The following FLNC variants were observed in gnomAD, a reference collection of about 807,000 sequenced individuals.
The protein encoded by FLNC is filamin-C.
In FLNC, 91 loss-of-function variants were observed where a neutral mutation model predicts 254.3. The observed-to-expected ratio is 0.36, with a 90% CI of 0.30 to 0.43. The LOEUF is 0.43. Ranked by LOEUF, FLNC falls within the 20% of genes least tolerant of loss-of-function variation. The probability of loss-of-function intolerance (pLI) is 1.00; values close to 1 mark genes in which losing one functional copy is unlikely to be tolerated. For missense variants in FLNC, 2,853 were observed against 3,802.6 expected, an observed-to-expected ratio of 0.75 and a Z score of 6.57; for synonymous variants, 1,430 against 1,577.2, an observed-to-expected ratio of 0.91 and a Z score of 2.21.
chr7:128,849,620 GGGGCCT>G, intron 30 of FLNC, 42 bp downstream of exon 30: 2 of 1,607,468 alleles, frequency 1.2e-6, no homozygotes, highest in Non-Finnish European at 1.7e-6. Flanking sequence ...GCTGGGGAGG[GGGGCCT>G]GGCCCTTTTA....
At chr7:128,833,715 C>T (rs111893767) in intron 1 of FLNC, among the ~76,000 whole-genome samples, 2,653 of 152,286 alleles carry the variant, frequency 0.017, 77 homozygotes, top group South Asian at 0.057. Context: ...TGGAGGCTGT[C>T]GGGGTTGTGA....
At chr7:128,853,162 C>G (rs970521136) in intron 37 of FLNC, 131 bp downstream of exon 37, 2 of 992,148 alleles carry the variant, frequency 2.0e-6, no homozygotes, top group African/African-American at 3.2e-5. Flanking sequence ...CGTCAGGATT[C>G]GCATTCTGGG....
chr7:128,832,121 A>G (rs1386445321), intron 1 of FLNC, among the ~76,000 whole-genome samples: 2 of 152,122 alleles, frequency 1.3e-5, no homozygotes, highest in African/African-American at 2.4e-5. Context: ...CCTTGGGGCC[A>G]TCTCTAGGCC....
Position 128,846,080 on chromosome 7 carries a change from A to T in FLNC, c.3881A>T (p.Asn1294Ile), listed in dbSNP as rs944103680. The change falls in exon 22 of 48, where the codon AAC (asparagine) becomes ATC (isoleucine). Residue 1294 changes from asparagine to isoleucine, a missense_variant. Physicochemically the swap from Asn to Ile is moderately radical, Grantham distance 149. Transcript: ENST00000325888. ...GGNHVTARVL[N>I]PSGAKTDTYV... ...AACCACGTGACGGCTCGTGTGCTCA[A>T]CCCCTCGGGGGCCAAGACAGACACC... The T allele has an allele frequency of 2.5e-6, 4 of 1,613,674 alleles. No individual in the cohort carries two copies. The African/African-American group carries it at 5.3e-5, about 22-fold the overall frequency.
rs538085901 is a variant in FLNC, at chr7:128,858,754, G to A, written c.*231G>A. The A allele has an allele frequency of 1.2e-4, 71 of 570,100 alleles. No individual in the cohort carries two copies. Among genetic ancestry groups the A allele is most frequent in the African/African-American group, 1.2e-3 (66 of 53,388 alleles). The allele number at this position is 570,100 out of a possible 1,614,324, so 35.3% of individuals were successfully genotyped here. A position where few individuals can be genotyped will look rare whatever the true frequency, so the allele number is the denominator to read the frequency against. ...GTCCCTCCCTGGGAATGTGACATGA[G>A]GGCCGACTGGGGCCAGGCTCAGGGG... On this transcript the variant is annotated 3_prime_UTR_variant, in exon 48 of 48. Transcript: ENST00000325888. The surrounding 1 kb of genome is among the most constrained non-coding windows in gnomAD (Gnocchi z 6.7).
At chr7:128,847,047 GC>G in intron 24 of FLNC, 142 bp downstream of exon 24, 1 of 1,022,150 alleles carries the variant, frequency 9.8e-7, no homozygotes, top group Non-Finnish European at 1.4e-6. Flanking sequence ...CCGGAGCCCG[GC>G]CAGAGGGAGG....
Position 128,856,640 on chromosome 7 carries a change from G to A in FLNC, c.7374G>A (p.Glu2458=). The A allele has an allele frequency of 1.2e-6, 2 of 1,613,082 alleles. No individual in the cohort carries two copies. Among genetic ancestry groups the A allele is most frequent in the Non-Finnish European group, 8.5e-7 (1 of 1,180,016 alleles). The change falls in exon 44 of 48, where the codon GAG becomes GAA. Residue 2458 remains glutamate, a synonymous_variant. Coordinates refer to ENST00000325888, the MANE Select transcript of FLNC (RefSeq NM_001458.5). This position sits in a 1 kb window ranked among gnomAD's most constrained non-coding sequence, Gnocchi z 5.9. ...CTGTGGAGGAGTGCTACGTCTCTGA[G>A]CTGGACAGTGGTGAGCTGGCCCTGC... ...SGAVEECYVS[E]LDSDKHTIRF...
Position 128,842,811 on chromosome 7 carries a change from A to G in FLNC, c.2407A>G (p.Ile803Val). 1 of 1,613,820 alleles carries G rather than the reference A, an allele frequency of 6.2e-7. No homozygotes were observed. Among genetic ancestry groups the G allele is most frequent in the Admixed American group, 1.7e-5 (1 of 60,032 alleles). Residue 803 changes from isoleucine to valine, a missense_variant, in exon 16 of 48, where the codon ATC becomes GTC. Coordinates refer to ENST00000325888, the MANE Select transcript of FLNC (RefSeq NM_001458.5). The surrounding 1 kb of genome is among the most constrained non-coding windows in gnomAD (Gnocchi z 5.4). Reference protein sequence around the residue: ...EAGQGDVSIGIKCAPGVVGPA... With the variant: ...EAGQGDVSIGVKCAPGVVGPA... ...CTCTGCAGGCGACGTGAGCATCGGC[A>G]TCAAGTGCGCCCCAGGCGTGGTGGG...
rs1443946143 is a variant in FLNC at position 128,842,023 on chromosome 7, G to A, written c.2122-208G>A. 6.6e-6 allele frequency among the ~76,000 whole-genome samples: 1 copy of A among 152,130 alleles called. No individual in the cohort carries two copies. Among genetic ancestry groups the A allele is most frequent in the African/African-American group, 2.4e-5 (1 of 41,428 alleles). On this transcript the variant is annotated intron_variant, in intron 13 of 47. Transcript: ENST00000325888. The surrounding 1 kb of genome is among the most constrained non-coding windows in gnomAD (Gnocchi z 5.4). ...GAGGAAACCTAGGCTGGGAGAGCAA[G>A]CCATACAGATGGCCTTGAGTCAGGC... is the stretch of plus-strand genomic sequence containing the variant.
chr7:128,831,399 G>T (rs1807886437), intron 1 of FLNC, among the ~76,000 whole-genome samples: 1 of 152,202 alleles, frequency 6.6e-6, no homozygotes, highest in Non-Finnish European at 1.5e-5. Flanking sequence ...AAAACAAGTG[G>T]CTTCCCAGCT....
chr7:128,843,257 A>G lies in FLNC; in HGVS notation c.2579A>G (p.Lys860Arg). 1 of 1,609,140 alleles carries G rather than the reference A, an allele frequency of 6.2e-7. No homozygotes were observed. Reference protein sequence around the residue: ...QEIPASPFHIKVDPSHDASKV... With the variant: ...QEIPASPFHIRVDPSHDASKV... ...ATCCCCGCCAGCCCCTTCCACATCA[A>G]GGTGGACCCATCCCACGATGCCAGC... Residue 860 changes from lysine to arginine, a missense_variant, in exon 17 of 48, where the codon AAG becomes AGG. This residue lies in a region of FLNC where 1,573 missense variants were observed against 1,883.5 expected (regional missense o/e 0.84). Coordinates refer to ENST00000325888, the MANE Select transcript of FLNC (RefSeq NM_001458.5).
chr7:128,854,044 C>T lies in FLNC; in HGVS notation c.6555C>T (p.Tyr2185=). The change falls in exon 40 of 48, where the codon TAC becomes TAT. Residue 2185 remains tyrosine, a synonymous_variant. Coordinates refer to ENST00000325888, the MANE Select transcript of FLNC (RefSeq NM_001458.5). ...CCTTCACACGCAGCAGCCACACCTACACCCGCACGGAGCGCACGGAGATCA... is the reference window on the plus strand; with the variant it reads ...CCTTCACACGCAGCAGCCACACCTATACCCGCACGGAGCGCACGGAGATCA... The part of the protein sequence containing the change: ...TRTFTRSSHT[Y]TRTERTEISK... 1 of 1,613,308 alleles carries T rather than the reference C, an allele frequency of 6.2e-7. No homozygotes were observed. The highest frequency in any genetic ancestry group is 2.2e-5 in the East Asian group (1 of 44,880).
rs1188836452 is a variant in FLNC, at chr7:128,850,762, G to A, written c.5399-41G>A. The stretch of plus-strand genomic sequence containing the variant: ...CTGGGACAGCAGGGAGGTTGCAGTG[G>A]GGGAAACCAGGGTCTCCACGTAACT... On this transcript the variant is annotated intron_variant, in intron 32 of 47. Transcript: ENST00000325888. 1.9e-6 allele frequency: 3 copies of A among 1,612,986 alleles called. No individual in the cohort carries two copies. In the African/African-American group the frequency reaches 4.0e-5, roughly 22 times the overall value.
intron 1 of FLNC, among the ~76,000 whole-genome samples, chr7:128,831,222 G>A (rs1807878674): frequency 6.6e-6 from 1 of 151,794 alleles, no homozygotes; most frequent in African/African-American, 2.4e-5. Context: ...GGGGAGTCCA[G>A]GCCTTAGGGT....
chr7:128,849,194 C>T lies in FLNC; in HGVS notation c.4941C>T (p.Gly1647=), dbSNP rs1244385049. Residue 1647 remains glycine (G), a synonymous_variant, in exon 29 of 48, where the codon GGC becomes GGT. Transcript: ENST00000325888. ...CTCTCTTTCCAGTGTCCATTGGAGGCCATGGCCTGGGTGAGTGCCCTTTCT... is the reference window on the plus strand; with the variant it reads ...CTCTCTTTCCAGTGTCCATTGGAGGTCATGGCCTGGGTGAGTGCCCTTTCT... ...SKCLVTVSIG[G]HGLGACLGPR... 6.2e-7 allele frequency: 1 copy of T among 1,613,942 alleles called. No individual in the cohort carries two copies. The highest frequency in any genetic ancestry group is 8.5e-7 in the Non-Finnish European group (1 of 1,180,008).
intron 1 of FLNC, among the ~76,000 whole-genome samples, chr7:128,834,532 G>T (rs898279456): frequency 7.4e-6 from 1 of 134,824 alleles, no homozygotes. Context: ...CTGGCATTCG[G>T]GGTAGAGTGT....
At position 128,847,879 on chromosome 7, in the gene FLNC, G is replaced by A. The variant is rs755072907; in HGVS notation, c.4456+15G>A. 2 of 1,613,770 alleles carry A rather than the reference G, an allele frequency of 1.2e-6. No individual in the cohort carries two copies. The highest frequency in any genetic ancestry group is 2.7e-5 in the African/African-American group (2 of 74,940). ...GGGCCCCACAGGTATAGAATGGCCG[G>A]GGCAGGGAGGAGGGAGGTGGGGCGG... On this transcript the variant is annotated intron_variant, in intron 25 of 47. Transcript: ENST00000325888.
At position 128,835,800 on chromosome 7, in the gene FLNC, C is replaced by T. The variant is rs773852411; in HGVS notation, c.601+226C>T. Reference sequence around the variant, plus strand: ...GCAGAGGCAGGAAGAGGTTTAAAACCCCTCATTTTACAGACAAGGACACTA... The same window carrying T: ...GCAGAGGCAGGAAGAGGTTTAAAACTCCTCATTTTACAGACAAGGACACTA... On this transcript the variant is annotated intron_variant, in intron 2 of 47. Coordinates refer to ENST00000325888, the MANE Select transcript of FLNC (RefSeq NM_001458.5). This position sits in a 1 kb window ranked among gnomAD's most constrained non-coding sequence, Gnocchi z 5.3. 3.3e-5 allele frequency among the ~76,000 whole-genome samples: 5 copies of T among 152,136 alleles called. No individual in the cohort carries two copies. Among genetic ancestry groups the T allele is most frequent in the Non-Finnish European group, 5.9e-5 (4 of 68,024 alleles).
chr7:128,852,502 G>T, intron 35 of FLNC, 89 bp from the exon 36 acceptor site: 2 of 1,468,666 alleles, frequency 1.4e-6, no homozygotes, highest in Non-Finnish European at 1.9e-6. Flanking sequence ...GTTGAGTCCA[G>T]GGGGGGCTGC....
Sources: allele counts gnomAD v4.1 joint callset (sites outside exome capture counted in the v4.1 genomes callset), GRCh38; gene constraint gnomAD v4.1.1; regional missense constraint gnomAD v4.1.1; non-coding constraint Gnocchi (gnomAD v3.1); transcripts MANE v1.5; gene names NCBI Gene and HGNC (gene_info 2026-07-23, HGNC 2026-07-21).